Variants in LNPEP observed in about 807,000 individuals in gnomAD.
The protein encoded by LNPEP is leucyl-cystinyl aminopeptidase.
In LNPEP, 64 loss-of-function variants were observed where a neutral mutation model predicts 120.6. The ratio of observed to expected loss-of-function variants is 0.53; its 90% CI spans 0.43 to 0.65. The LOEUF (loss-of-function observed/expected upper bound fraction) is 0.65, where lower values mean the gene tolerates loss of function less well. Ranked by LOEUF, LNPEP falls within the 30% of genes least tolerant of loss-of-function variation. The pLI, the probability that LNPEP is intolerant of heterozygous loss-of-function variation, is 0.00. For synonymous variants in LNPEP, 435 were observed against 425.4 expected (o/e 1.02, Z -0.28); for missense variants, 1,057 against 1,200.0 (o/e 0.88, Z 1.76).
chr5:96,989,088 T>C (rs1489427815), intron 4 of LNPEP, among the ~76,000 whole-genome samples: 3 of 151,474 alleles, frequency 2.0e-5, no homozygotes, highest in Non-Finnish European at 4.4e-5. Flanking sequence ...GTTTTCTTTT[T>C]TGCTTTTTAT....
In LNPEP at chr5:96,936,125, T is replaced by A; in HGVS notation, c.-31T>A. 2 of 1,513,700 alleles carry A rather than the reference T, an allele frequency of 1.3e-6. No homozygotes were observed. Among genetic ancestry groups the A allele is most frequent in the Non-Finnish European group, 1.8e-6 (2 of 1,131,258 alleles). 93.8% of individuals were successfully genotyped at this position (1,513,700 alleles called of 1,614,324 possible). On this transcript the variant is annotated 5_prime_UTR_variant, in exon 1 of 18. Transcript: ENST00000231368. ...CTCTCGGAGTAGGAAGCTCGGGCGC[T>A]CCGGCTGTAAGGAGCCGCGGCGGGG...
intron 1 of LNPEP, among the ~76,000 whole-genome samples, chr5:96,955,719 G>C (rs532261578): frequency 6.6e-6 from 1 of 152,314 alleles, no homozygotes; most frequent in Admixed American, 6.5e-5. Flanking sequence ...TTTGTTTTCA[G>C]CTTGGGGCTA....
chr5:96,940,900 T>A (rs766224961), intron 1 of LNPEP, among the ~76,000 whole-genome samples: 8 of 152,206 alleles, frequency 5.3e-5, no homozygotes, highest in Non-Finnish European at 1.0e-4. Flanking sequence ...GTCGGGGGGA[T>A]GTATGTATAC....
At chr5:96,994,455 T>C (rs556835420) in intron 6 of LNPEP, among the ~76,000 whole-genome samples, 10 of 133,570 alleles carry the variant, frequency 7.5e-5, no homozygotes, top group African/African-American at 2.8e-4. Flanking sequence ...ACTGTAGCTG[T>C]CAGGGCTGGA....
At chr5:97,022,240 GT>G in intron 13 of LNPEP, 59 bp from the exon 14 acceptor site, 2 of 1,114,032 alleles carry the variant, frequency 1.8e-6, no homozygotes, top group Non-Finnish European at 2.6e-6. Context: ...TAATTGTCCT[GT>G]TTTTTTTCTG....
chr5:97,009,984 G>T (rs747921865), intron 11 of LNPEP, among the ~76,000 whole-genome samples: 3 of 151,950 alleles, frequency 2.0e-5, no homozygotes, highest in Admixed American at 1.3e-4. Context: ...ATATTTTCAT[G>T]TGTTCTAATT....
intron 1 of LNPEP, among the ~76,000 whole-genome samples, chr5:96,971,345 TTGTGTGTGTGTG>T (rs3076561): frequency 2.2e-4 from 31 of 142,822 alleles, no homozygotes; most frequent in East Asian, 6.1e-4. Context: ...ACATTATTAT[TTGTGTGTGTGTG>T]TGTGTGTGTG....
chr5:96,993,910 C>A lies in LNPEP; in HGVS notation c.1346C>A (p.Thr449Asn). ...GAGACACTTCTGTATGACAGTAACACTTCTTCAATGGCGGATAGAAAGCTG... is the reference window on the plus strand; with the variant it reads ...GAGACACTTCTGTATGACAGTAACAATTCTTCAATGGCGGATAGAAAGCTG... ...REETLLYDSNTSSMADRKLVT... is the reference protein window; with the variant it reads ...REETLLYDSNNSSMADRKLVT... Residue 449 changes from threonine (T) to asparagine (N), a missense_variant, in exon 6 of 18, where the codon ACT (threonine) becomes AAT (asparagine). Physicochemically the swap from Thr to Asn is moderately conservative, Grantham distance 65 (BLOSUM62 0). Coordinates refer to ENST00000231368, the MANE Select transcript of LNPEP (RefSeq NM_005575.3). 1 of 1,613,912 alleles carries A rather than the reference C, an allele frequency of 6.2e-7. No individual in the cohort carries two copies. Among genetic ancestry groups the A allele is most frequent in the South Asian group, 1.1e-5 (1 of 91,080 alleles).
intron 13 of LNPEP, among the ~76,000 whole-genome samples, chr5:97,018,505 T>C (rs566533400): frequency 6.6e-6 from 1 of 152,222 alleles, no homozygotes; most frequent in African/African-American, 2.4e-5. Flanking sequence ...TTTCCAAGAT[T>C]GGACGCCCTT....
At position 97,006,105 on chromosome 5, in the gene LNPEP, G is replaced by A. The variant is rs757892935; in HGVS notation, c.1818G>A (p.Met606Ile). 7.1e-6 allele frequency: 11 copies of A among 1,557,472 alleles called. No individual in the cohort carries two copies. Among genetic ancestry groups the A allele is most frequent in the Non-Finnish European group, 8.7e-6 (10 of 1,151,126 alleles). The change falls in exon 10 of 18, where the codon ATG becomes ATA. Residue 606 changes from methionine to isoleucine, a missense_variant. Physicochemically the swap from Met to Ile is conservative, Grantham distance 10. Coordinates refer to ENST00000231368, the MANE Select transcript of LNPEP (RefSeq NM_005575.3). The stretch of plus-strand genomic sequence containing the variant: ...ACCAAACACTAGATGTAAAGAGAAT[G>A]ATGAAAACCTGGACCCTGCAGAAAG... ...VTNQTLDVKRMMKTWTLQKGF... is the reference protein window; with the variant it reads ...VTNQTLDVKRIMKTWTLQKGF...
In LNPEP at chr5:96,979,702, C is replaced by T. The variant is rs1339491374; in HGVS notation, c.584C>T (p.Thr195Ile). Residue 195 changes from threonine (T) to isoleucine (I), a missense_variant, in exon 2 of 18, where the codon ACA (threonine) becomes ATA (isoleucine). By Grantham distance (89) the Thr-to-Ile change is moderately conservative. Coordinates refer to ENST00000231368, the MANE Select transcript of LNPEP (RefSeq NM_005575.3). ...TCGATGACATTCAGGGGTTCTGTGA[C>T]AATTTCAGTTCAGGCTCTTCAGGTC... ...LTSMTFRGSV[T>I]ISVQALQVTW... 6.2e-7 allele frequency: 1 copy of T among 1,613,962 alleles called. No individual in the cohort carries two copies. Among genetic ancestry groups the T allele is most frequent in the Admixed American group, 1.7e-5 (1 of 59,978 alleles).
At chr5:97,008,334 CTT>C (rs1790836146) in intron 11 of LNPEP, among the ~76,000 whole-genome samples, 1 of 48,676 alleles carries the variant, frequency 2.1e-5, no homozygotes, top group African/African-American at 8.2e-5. Context: ...TTTGTTTTTT[CTT>C]GTTTTTTTTT....
chr5:96,977,414 T>C (rs1166802006), intron 1 of LNPEP, among the ~76,000 whole-genome samples: 1 of 151,926 alleles, frequency 6.6e-6, no homozygotes, highest in Admixed American at 6.6e-5. Flanking sequence ...GTGCTCAAAA[T>C]AGTAAGCAGT....
chr5:96,984,785 A>G (rs545008535), intron 2 of LNPEP, among the ~76,000 whole-genome samples: 1 of 152,210 alleles, frequency 6.6e-6, no homozygotes, highest in South Asian at 2.1e-4. Flanking sequence ...CACCTTTTCA[A>G]ATACTCATCT....
chr5:97,011,272 C>A, intron 11 of LNPEP: 1 of 839,162 alleles, frequency 1.2e-6, no homozygotes, highest in Non-Finnish European at 1.4e-6. Flanking sequence ...GTCACCCAGG[C>A]TAAGGTACAG....
rs922640828 is a variant in LNPEP, at chr5:97,034,954, A to C, written c.*6421A>C. The C allele has an allele frequency of 6.6e-6, 1 of 152,092 alleles. No individual in the cohort carries two copies. The highest frequency in any genetic ancestry group is 1.5e-5 in the Non-Finnish European group (1 of 67,996). 9.4% of individuals were successfully genotyped at this position (152,092 alleles called of 1,614,324 possible). On this transcript the variant is annotated 3_prime_UTR_variant, in exon 18 of 18. Transcript: ENST00000231368. ...TGTGTATATACACACAAGAACACAC[A>C]TATTTATATACTATACACACACATT... is the stretch of plus-strand genomic sequence containing the variant.
intron 6 of LNPEP, among the ~76,000 whole-genome samples, chr5:96,994,446 C>G (rs974740759): frequency 1.3e-5 from 2 of 149,394 alleles, no homozygotes; most frequent in Non-Finnish European, 3.0e-5. Context: ...ACAACTCAAA[C>G]TGTAGCTGTC....
Position 97,027,714 on chromosome 5 carries a change from T to C in LNPEP, c.2865-19T>C. 4 of 1,522,032 alleles carry C rather than the reference T, an allele frequency of 2.6e-6. No individual in the cohort carries two copies. Among genetic ancestry groups the C allele is most frequent in the Non-Finnish European group, 3.6e-6 (4 of 1,097,268 alleles). The allele number at this position is 1,522,032 out of a possible 1,614,324, so 94.3% of individuals were successfully genotyped here. On this transcript the variant is annotated intron_variant, in intron 16 of 17. Coordinates refer to ENST00000231368, the MANE Select transcript of LNPEP (RefSeq NM_005575.3). ...AGCAGCTGCCTAATCTTTTTGCTCT[T>C]GTTTTTGTGTTTCTTCAGGTTCCCT...
chr5:96,981,187 A>C (rs1790114922), intron 2 of LNPEP, among the ~76,000 whole-genome samples: 1 of 152,202 alleles, frequency 6.6e-6, no homozygotes. Context: ...GAGAAGAAAA[A>C]TTTATAAAAG....
Sources: gnomAD v4.1 joint callset for allele counts (sites outside exome capture counted in the v4.1 genomes callset) on GRCh38, gnomAD v4.1.1 for gene constraint, MANE v1.5 for transcripts, NCBI Gene and HGNC (gene_info 2026-07-23, HGNC 2026-07-21) for gene names.